PES1: variants seen among roughly 807,000 people sequenced by gnomAD.
The protein encoded by PES1 is pescadillo homolog.
Under a neutral mutation model 77.1 loss-of-function variants are expected in PES1, and 31 were observed. The observed-to-expected ratio is 0.40, with a 90% CI of 0.30 to 0.54. The LOEUF (loss-of-function observed/expected upper bound fraction) is 0.54, where lower values mean the gene tolerates loss of function less well. Among genes scored for constraint, PES1 ranks in the 20% least tolerant of loss-of-function variants. The pLI is 0.45. For synonymous variants in PES1, 282 were observed against 303.0 expected (o/e 0.93, Z 0.72); for missense variants, 658 against 771.7 (o/e 0.85, Z 1.75).
upstream of PES1, among the ~76,000 whole-genome samples, chr22:30,592,628 C>G (rs1468141426): frequency 6.6e-6 from 1 of 152,118 alleles, no homozygotes; most frequent in African/African-American, 2.4e-5. Context: ...GAAACCCCGT[C>G]TCTGCTAAAA....
chr22:30,579,154 G>T lies in PES1; in HGVS notation c.1504C>A (p.Gln502Lys). ...CCCCCTACCTTCCCCTCCATCCTCT[G>T]CTCTTCCAGGGCTGCCAGCCGGGCC... is the stretch of plus-strand genomic sequence containing the variant. ...EEARLAALEEQRMEGKKPRVM... is the reference protein window; with the variant it reads ...EEARLAALEEKRMEGKKPRVM... The change falls in exon 13 of 15, where the codon CAG becomes AAG. Residue 502 changes from glutamine to lysine, a missense_variant. Coordinates refer to ENST00000354694, the MANE Select transcript of PES1 (RefSeq NM_014303.4). 1.2e-6 allele frequency: 2 copies of T among 1,608,862 alleles called. No individual in the cohort carries two copies.
chr22:30,592,397 G>GAA (rs1438217744), upstream of PES1: 6 of 987,064 alleles, frequency 6.1e-6, no homozygotes, highest in African/African-American at 1.0e-4. Context: ...GCGGTTATGC[G>GAA]GCTAAAATAG....
At chr22:30,602,270 ATC>A (rs1443024052) in intron 2 of PES1, among the ~76,000 whole-genome samples, 4 of 151,978 alleles carry the variant, frequency 2.6e-5, no homozygotes, top group African/African-American at 4.8e-5. Flanking sequence ...CACTTTCTCA[ATC>A]TCTCTACTGC....
chr22:30,603,828 G>A (rs2087396340), intron 2 of PES1: 1 of 151,792 alleles, frequency 6.6e-6, no homozygotes, highest in South Asian at 2.1e-4. Context: ...TTAATTTTTA[G>A]GCTAGTCCTC....
chr22:30,597,882 G>GTT (rs767127817), intron 2 of PES1, among the ~76,000 whole-genome samples: 15 of 38,890 alleles, frequency 3.9e-4, no homozygotes, highest in African/African-American at 1.0e-3. Flanking sequence ...TTGAAGTTTT[G>GTT]TTTTTTTTTT....
chr22:30,597,719 G>A (rs984226154), intron 2 of PES1, among the ~76,000 whole-genome samples: 1 of 151,792 alleles, frequency 6.6e-6, no homozygotes, highest in African/African-American at 2.4e-5. Flanking sequence ...TCAGCACCCT[G>A]TCAAAACGGA....
chr22:30,598,884 A>AGTTTTTTTT (rs1569031688), intron 2 of PES1, among the ~76,000 whole-genome samples: 1 of 46,260 alleles, frequency 2.2e-5, no homozygotes, highest in African/African-American at 7.5e-5. Flanking sequence ...ACTTAAGTAA[A>AGTTTTTTTT]ATTTTTTTTT....
chr22:30,600,135 C>G (rs2087332363), intron 2 of PES1, among the ~76,000 whole-genome samples: 1 of 151,916 alleles, frequency 6.6e-6, no homozygotes, highest in African/African-American at 2.4e-5. Flanking sequence ...AGTTTGAGAC[C>G]ACCCTGGGCA....
At chr22:30,577,556 A>C (rs748542904) in intron 14 of PES1, among the ~76,000 whole-genome samples, 1 of 152,202 alleles carries the variant, frequency 6.6e-6, no homozygotes, top group Non-Finnish European at 1.5e-5. Context: ...CCTGGAGCAC[A>C]GTGGCACAAT....
upstream of PES1, among the ~76,000 whole-genome samples, chr22:30,596,114 A>T (rs2087248931): frequency 6.6e-6 from 1 of 152,198 alleles, no homozygotes; most frequent in African/African-American, 2.4e-5. Context: ...TCAGAGCTCA[A>T]ATGGTCAACC....
In PES1 at chr22:30,588,125, T is replaced by C. The variant is rs1201657550; in HGVS notation, c.154A>G (p.Lys52Glu). 1.2e-6 allele frequency: 2 copies of C among 1,614,162 alleles called. No individual in the cohort carries two copies. The highest frequency in any genetic ancestry group is 1.7e-6 in the Non-Finnish European group (2 of 1,180,032). Residue 52 changes from lysine (K) to glutamate (E), a missense_variant, in exon 3 of 15, where the codon AAG (lysine) becomes GAG (glutamate). Coordinates refer to ENST00000354694, the MANE Select transcript of PES1 (RefSeq NM_014303.4). ...GCTGTAGAACCCTTGTTAACCTTCTTCTTGTGTTTGGGTTCATGGGGATAA... is the reference window on the plus strand; with the variant it reads ...GCTGTAGAACCCTTGTTAACCTTCTCCTTGTGTTTGGGTTCATGGGGATAA... ...GIYPHEPKHK[K>E]KVNKGSTAAR...
intron 3 of PES1, among the ~76,000 whole-genome samples, 190 bp downstream of exon 3, chr22:30,587,831 G>A (rs1290396012): frequency 2.0e-5 from 3 of 152,136 alleles, no homozygotes; most frequent in Non-Finnish European, 2.9e-5. Context: ...AAAATGCAAC[G>A]GAGTCCTGTT....
In PES1 at chr22:30,599,024, A is replaced by G. The variant is rs1415029713; in HGVS notation, c.-661+6437T>C. On this transcript the variant is annotated intron_variant, in intron 2 of 16. Coordinates refer to the PES1 transcript ENST00000402281. ...GCGATTCTCCTATCTCAGCCTCCTG[A>G]GTAGCTGGGGTTACAGGCATGTGCC... is the stretch of plus-strand genomic sequence containing the variant. Among the ~76,000 whole-genome samples the G allele has an allele frequency of 4.0e-5, 6 of 149,336 alleles. No individual in the cohort carries two copies. The South Asian group carries it at 8.5e-4, about 21-fold the overall frequency.
At chr22:30,577,610 C>G (rs112001595) in intron 14 of PES1, among the ~76,000 whole-genome samples, 1 of 152,156 alleles carries the variant, frequency 6.6e-6, no homozygotes, top group African/African-American at 2.4e-5. Context: ...CTTCAGCCTC[C>G]GGAGTAGCTG....
At chr22:30,585,681 T>C (rs1396777985) in intron 4 of PES1, among the ~76,000 whole-genome samples, 1 of 144,938 alleles carries the variant, frequency 6.9e-6, no homozygotes, top group African/African-American at 2.6e-5. Context: ...AGAAGCTTCC[T>C]TTTGAAGAAT....
intron 14 of PES1, among the ~76,000 whole-genome samples, chr22:30,577,652 A>G (rs1224740276): frequency 6.6e-6 from 1 of 151,206 alleles, no homozygotes; most frequent in East Asian, 1.9e-4. Context: ...CACCATGCGT[A>G]GCCCTTTCTT....
At chr22:30,595,917 G>T (rs187634270), upstream of PES1, among the ~76,000 whole-genome samples, 1 of 152,140 alleles carries the variant, frequency 6.6e-6, no homozygotes, top group African/African-American at 2.4e-5. Context: ...GCAATTATAG[G>T]GGGTGCTTAG....
chr22:30,592,963 G>GT (rs33961447), upstream of PES1, among the ~76,000 whole-genome samples: 52 of 149,030 alleles, frequency 3.5e-4, no homozygotes, highest in Middle Eastern at 6.8e-3. Flanking sequence ...ATTTTAAGAG[G>GT]TTTTTTTTTT....
chr22:30,599,323 C>G (rs1377224816), intron 2 of PES1, among the ~76,000 whole-genome samples: 9 of 152,138 alleles, frequency 5.9e-5, no homozygotes, highest in African/African-American at 2.2e-4. Context: ...ACATGTGTCT[C>G]TGCTAGATAC....
Sources: allele counts gnomAD v4.1 joint callset (sites outside exome capture counted in the v4.1 genomes callset), GRCh38; gene constraint gnomAD v4.1.1; transcripts MANE v1.5; gene names NCBI Gene and HGNC (gene_info 2026-07-23, HGNC 2026-07-21).